Variants in IL17A observed in about 807,000 individuals in gnomAD.
The protein encoded by IL17A is interleukin 17A, also known as interleukin-17A.
Under a neutral mutation model 7.2 loss-of-function variants are expected in IL17A, and 1 was observed. That is an observed-to-expected ratio of 0.14 (90% CI 0.05 to 0.66). The LOEUF (loss-of-function observed/expected upper bound fraction) is 0.66. Among genes scored for constraint, IL17A ranks in the 30% least tolerant of loss-of-function variants. The probability of loss-of-function intolerance (pLI) is 0.84; values close to 1 mark genes in which losing one functional copy is unlikely to be tolerated. For missense variants in IL17A, 191 were observed against 197.1 expected, an observed-to-expected ratio of 0.97 and a Z score of 0.18; for synonymous variants, 90 against 77.7, an observed-to-expected ratio of 1.16 and a Z score of -0.83.
At chr6:52,188,402 C>T (rs1388158945) in intron 2 of IL17A, among the ~76,000 whole-genome samples, 1 of 152,156 alleles carries the variant, frequency 6.6e-6, no homozygotes, top group Non-Finnish European at 1.5e-5. Flanking sequence ...TGACTTCATA[C>T]AAATAAGTCT....
intron 1 of IL17A, 80 bp downstream of exon 1, chr6:52,186,538 G>T: frequency 7.4e-7 from 1 of 1,360,410 alleles, no homozygotes; most frequent in Non-Finnish European, 1.0e-6. Context: ...GAAACGCTGG[G>T]TTCTGACTAT....
intron 2 of IL17A, among the ~76,000 whole-genome samples, chr6:52,188,018 T>C (rs1274858795): frequency 6.6e-6 from 1 of 152,166 alleles, no homozygotes; most frequent in African/African-American, 2.4e-5. Flanking sequence ...TAGATCTAAT[T>C]GTCACTGACA....
At chr6:52,187,873 A>G in intron 2 of IL17A, 68 bp downstream of exon 2, 1 of 1,270,780 alleles carries the variant, frequency 7.9e-7, no homozygotes, top group African/African-American at 1.5e-5. Context: ...TGCCAGTTAA[A>G]TCTCCCTGAG....
intron 2 of IL17A, 35 bp from the exon 3 acceptor site, chr6:52,189,020 A>G: frequency 1.3e-6 from 2 of 1,504,074 alleles, no homozygotes; most frequent in Non-Finnish European, 1.8e-6. Context: ...TTTACCAGGA[A>G]TTCACTTTCC....
intron 2 of IL17A, among the ~76,000 whole-genome samples, chr6:52,188,255 T>G (rs993258360): frequency 6.6e-6 from 1 of 152,234 alleles, no homozygotes; most frequent in African/African-American, 2.4e-5. Flanking sequence ...GGAATAAGTA[T>G]CACTGGGGTA....
chr6:52,189,575 G>A lies in IL17A; in HGVS notation c.*283G>A, dbSNP rs1168464453. ...GTTATTTATGTATTTAATATGCCCTGAGATAACTTTGGGGTATAAGATTCC... is the reference window on the plus strand; with the variant it reads ...GTTATTTATGTATTTAATATGCCCTAAGATAACTTTGGGGTATAAGATTCC... On this transcript the variant is annotated 3_prime_UTR_variant, in exon 3 of 3. Transcript: ENST00000648244. The A allele has an allele frequency of 1.7e-5, 5 of 302,464 alleles. No individual in the cohort carries two copies. The highest frequency in any genetic ancestry group is 3.0e-5 in the Non-Finnish European group (5 of 166,000). 18.7% of individuals were successfully genotyped at this position (302,464 alleles called of 1,614,324 possible).
chr6:52,189,261 G>C lies in IL17A; in HGVS notation c.437G>C (p.Cys146Ser). Residue 146 changes from cysteine to serine, a missense_variant, in exon 3 of 3, where the codon TGT becomes TCT. Cys to Ser is a moderately radical substitution (Grantham distance 112). Coordinates refer to ENST00000648244, the MANE Select transcript of IL17A (RefSeq NM_002190.3). The part of the protein sequence containing the change: ...EKILVSVGCT[C>S]VTPIVHHVA ...ATACTGGTGTCCGTGGGCTGCACCT[G>C]TGTCACCCCGATTGTCCACCATGTG... is the stretch of plus-strand genomic sequence containing the variant. 6.2e-7 allele frequency: 1 copy of C among 1,614,070 alleles called. No individual in the cohort carries two copies. The highest frequency in any genetic ancestry group is 8.5e-7 in the Non-Finnish European group (1 of 1,179,992).
At chr6:52,186,788 AC>A (rs1350053832) in intron 1 of IL17A, among the ~76,000 whole-genome samples, 9 of 152,194 alleles carry the variant, frequency 5.9e-5, no homozygotes, top group Non-Finnish European at 1.0e-4. Flanking sequence ...TAATTCTCCC[AC>A]GGCATTTTTC....
intron 1 of IL17A, 142 bp from the exon 2 acceptor site, chr6:52,187,461 C>A: frequency 2.7e-6 from 2 of 737,456 alleles, no homozygotes; most frequent in Non-Finnish European, 2.3e-6. Flanking sequence ...TCTAGCTGAT[C>A]TGAAAAATGT....
rs1179017220 is a variant in IL17A at position 52,190,499 on chromosome 6, G to A, written c.*1207G>A. ...TAGGGCCTGGCTTCTGTCTGATCAAGGCACCACACAACCCAGAAAGGAGCT... is the reference window on the plus strand; with the variant it reads ...TAGGGCCTGGCTTCTGTCTGATCAAAGCACCACACAACCCAGAAAGGAGCT... On this transcript the variant is annotated 3_prime_UTR_variant, in exon 3 of 3. Transcript: ENST00000648244. 1 of 152,158 alleles carries A rather than the reference G, an allele frequency of 6.6e-6. No homozygotes were observed. The highest frequency in any genetic ancestry group is 1.5e-5 in the Non-Finnish European group (1 of 68,050). 9.4% of individuals were successfully genotyped at this position (152,158 alleles called of 1,614,324 possible). A position where few individuals can be genotyped will look rare whatever the true frequency, so the allele number is the denominator to read the frequency against.
At chr6:52,188,619 T>C (rs1258634941) in intron 2 of IL17A, among the ~76,000 whole-genome samples, 1 of 152,200 alleles carries the variant, frequency 6.6e-6, no homozygotes, top group African/African-American at 2.4e-5. Flanking sequence ...ACGAATGTGA[T>C]CTCAGATAAA....
At chr6:52,187,849 C>T (rs750964247) in intron 2 of IL17A, 44 bp downstream of exon 2, 4 of 1,466,334 alleles carry the variant, frequency 2.7e-6, no homozygotes, top group East Asian at 2.3e-5. Context: ...CTTCATCCCT[C>T]TTATGCATCA....
At position 52,189,565 on chromosome 6, in the gene IL17A, A is replaced by T. The variant is rs927991260; in HGVS notation, c.*273A>T. 2 of 332,740 alleles carry T rather than the reference A, an allele frequency of 6.0e-6. No homozygotes were observed. The highest frequency in any genetic ancestry group is 1.0e-4 in the East Asian group (2 of 19,380). The allele number at this position is 332,740 out of a possible 1,614,324, so 20.6% of individuals were successfully genotyped here. The stretch of plus-strand genomic sequence containing the variant: ...AGGGCTTTAAGTTATTTATGTATTT[A>T]ATATGCCCTGAGATAACTTTGGGGT... On this transcript the variant is annotated 3_prime_UTR_variant, in exon 3 of 3. Coordinates refer to ENST00000648244, the MANE Select transcript of IL17A (RefSeq NM_002190.3).
rs773352770 is a variant in IL17A, at chr6:52,189,169, C to T, written c.345C>T (p.Ile115=). 8 of 1,614,160 alleles carry T rather than the reference C, an allele frequency of 5.0e-6. No individual in the cohort carries two copies. Among genetic ancestry groups the T allele is most frequent in the Non-Finnish European group, 6.8e-6 (8 of 1,180,008 alleles). ...ACTACCACATGAACTCTGTCCCCAT[C>T]CAGCAAGAGATCCTGGTCCTGCGCA... ...NVDYHMNSVP[I]QQEILVLRRE... is the part of the protein sequence containing the mutation. The change falls in exon 3 of 3, where the codon ATC becomes ATT. Residue 115 remains isoleucine, a synonymous_variant. Transcript: ENST00000648244.
intron 1 of IL17A, among the ~76,000 whole-genome samples, chr6:52,186,690 A>T (rs1480360914): frequency 6.6e-6 from 1 of 152,254 alleles, no homozygotes; most frequent in Non-Finnish European, 1.5e-5. Context: ...TATTGGGGCT[A>T]AACCACACAA....
chr6:52,188,136 C>T (rs527302835), intron 2 of IL17A, among the ~76,000 whole-genome samples: 25 of 152,222 alleles, frequency 1.6e-4, no homozygotes, highest in Admixed American at 3.3e-4. Flanking sequence ...AGGATTAATG[C>T]TTTTATTATC....
At position 52,189,226 on chromosome 6, in the gene IL17A, G is replaced by A. The variant is rs17880588; in HGVS notation, c.402G>A (p.Arg134=). 5,387 of 1,614,082 alleles carry A rather than the reference G, an allele frequency of 3.3e-3. 116 individuals carry two copies. The African/African-American group carries it at 0.06, about 18-fold the overall frequency. ...REPPHCPNSF[R]LEKILVSVGC... is the part of the protein sequence containing the mutation. ...CTCCACACTGCCCCAACTCCTTCCG[G>A]CTGGAGAAGATACTGGTGTCCGTGG... Residue 134 remains arginine, a synonymous_variant, in exon 3 of 3, where the codon CGG becomes CGA. Transcript: ENST00000648244.
chr6:52,190,390 C>T lies in IL17A; in HGVS notation c.*1098C>T, dbSNP rs1763358169. The T allele has an allele frequency of 6.6e-6, 1 of 152,140 alleles. No homozygotes were observed. Among genetic ancestry groups the T allele is most frequent in the East Asian group, 1.9e-4 (1 of 5,196 alleles). The allele number at this position is 152,140 out of a possible 1,614,324, so 9.4% of individuals were successfully genotyped here. On this transcript the variant is annotated 3_prime_UTR_variant, in exon 3 of 3. Transcript: ENST00000648244. The stretch of plus-strand genomic sequence containing the variant: ...CTTCAGACTACAATGTCCAGTTTCT[C>T]CCCTAGACTCAGGCTTCCTTTGGAG...
In IL17A at chr6:52,187,767, A is replaced by G; in HGVS notation, c.192A>G (p.Ser64=). 6.2e-6 allele frequency: 10 copies of G among 1,614,176 alleles called. No homozygotes were observed. Among genetic ancestry groups the G allele is most frequent in the Non-Finnish European group, 8.5e-6 (10 of 1,179,986 alleles). ...CCAATACCAATCCCAAAAGGTCCTC[A>G]GATTACTACAACCGATCCACCTCAC... is the stretch of plus-strand genomic sequence containing the variant. ...RNTNTNPKRS[S]DYYNRSTSPW... The change falls in exon 2 of 3, where the codon TCA becomes TCG. Residue 64 remains serine, a synonymous_variant. Coordinates refer to ENST00000648244, the MANE Select transcript of IL17A (RefSeq NM_002190.3).
Sources: gnomAD v4.1 joint callset for allele counts (sites outside exome capture counted in the v4.1 genomes callset) on GRCh38, gnomAD v4.1.1 for gene constraint, MANE v1.5 for transcripts, NCBI Gene and HGNC (gene_info 2026-07-23, HGNC 2026-07-21) for gene names.